The following RBPMS variants were observed in gnomAD, a reference collection of about 807,000 sequenced individuals.
RBPMS encodes the protein RNA-binding protein with multiple splicing.
RBPMS carries 7 observed loss-of-function variants against 26.8 expected under a neutral mutation model. That is an observed-to-expected ratio of 0.26 (90% confidence interval 0.15 to 0.49). The LOEUF (loss-of-function observed/expected upper bound fraction) is 0.49. Ranked by LOEUF, RBPMS falls within the 20% of genes least tolerant of loss-of-function variation. The pLI, the probability that RBPMS is intolerant of heterozygous loss-of-function variation, is 0.98. For synonymous variants in RBPMS, 96 were observed against 93.3 expected, an observed-to-expected ratio of 1.03 and a Z score of -0.17; for missense variants, 186 against 250.0, an observed-to-expected ratio of 0.74 and a Z score of 1.73.
chr8:30,393,788 G>A (rs1331348757), intron 1 of RBPMS, among the ~76,000 whole-genome samples: 9 of 151,712 alleles, frequency 5.9e-5, no homozygotes, highest in African/African-American at 2.2e-4. Context: ...CAAAGTGCTG[G>A]GATTACAGGC....
intron 6 of RBPMS, chr8:30,553,530 C>G (rs1015084204): frequency 3.3e-5 from 5 of 152,116 alleles, no homozygotes; most frequent in Admixed American, 2.0e-4. Flanking sequence ...GTGATGCCAC[C>G]CAAAAGTGGA....
chr8:30,546,206 G>GGGC (rs1432962554), intron 6 of RBPMS, among the ~76,000 whole-genome samples: 1 of 152,080 alleles, frequency 6.6e-6, no homozygotes, highest in Non-Finnish European at 1.5e-5. Flanking sequence ...TAGACTGCCG[G>GGGC]GTACAGATCA....
intron 1 of RBPMS, among the ~76,000 whole-genome samples, chr8:30,411,681 A>AAGAG (rs1554507358): frequency 7.8e-6 from 1 of 127,956 alleles, no homozygotes; most frequent in Admixed American, 8.4e-5. Flanking sequence ...AAAAAAAAAA[A>AAGAG]AAAGAAAAAG....
chr8:30,567,758 G>T (rs540092990), intron 8 of RBPMS, among the ~76,000 whole-genome samples: 1 of 152,220 alleles, frequency 6.6e-6, no homozygotes, highest in African/African-American at 2.4e-5. Context: ...TTTGGGTCAC[G>T]GTCCTGGGGG....
At chr8:30,416,542 G>A (rs1810097264) in intron 1 of RBPMS, among the ~76,000 whole-genome samples, 1 of 152,122 alleles carries the variant, frequency 6.6e-6, no homozygotes, top group Non-Finnish European at 1.5e-5. Context: ...GAGTGCAGTG[G>A]TACGACCTTG....
chr8:30,504,186 TCCTGATAGAC>T, intron 4 of RBPMS, 90 bp from the exon 5 acceptor site: 1 of 1,281,692 alleles, frequency 7.8e-7, no homozygotes, highest in Non-Finnish European at 1.1e-6. Flanking sequence ...TGACCTTTTT[TCCTGATAGAC>T]CAGGGTTTAC....
chr8:30,548,655 A>T (rs954562302), intron 6 of RBPMS, among the ~76,000 whole-genome samples: 3 of 152,178 alleles, frequency 2.0e-5, no homozygotes, highest in Non-Finnish European at 4.4e-5. Flanking sequence ...AACCCAAAAT[A>T]AATACAGAAG....
intron 4 of RBPMS, among the ~76,000 whole-genome samples, chr8:30,503,227 C>G (rs1173343311): frequency 1.3e-5 from 2 of 152,094 alleles, no homozygotes; most frequent in Non-Finnish European, 2.9e-5. Flanking sequence ...ATCCTGGTCT[C>G]TAGAGTAAGA....
At chr8:30,503,096 C>A (rs1392237231) in intron 4 of RBPMS, among the ~76,000 whole-genome samples, 1 of 152,108 alleles carries the variant, frequency 6.6e-6, no homozygotes, top group East Asian at 1.9e-4. Context: ...TTTGTTAGGC[C>A]TCCCTAAGGA....
chr8:30,426,680 CTT>C (rs796851926), intron 1 of RBPMS, among the ~76,000 whole-genome samples: 70 of 127,526 alleles, frequency 5.5e-4, no homozygotes, highest in East Asian at 4.5e-4. Flanking sequence ...CAGTGATTTT[CTT>C]TTTTTTTTTT....
chr8:30,513,311 C>T (rs1821925559), intron 5 of RBPMS, among the ~76,000 whole-genome samples: 1 of 152,048 alleles, frequency 6.6e-6, no homozygotes, highest in Non-Finnish European at 1.5e-5. Flanking sequence ...AACTCAGGTG[C>T]CAGGCACGGT....
intron 7 of RBPMS, among the ~76,000 whole-genome samples, chr8:30,561,434 G>A (rs1456756391): frequency 6.6e-6 from 1 of 152,204 alleles, no homozygotes; most frequent in Non-Finnish European, 1.5e-5. Context: ...AGTGTGTTGA[G>A]CTCTCCATTG....
chr8:30,479,815 A>C (rs1254346701), intron 4 of RBPMS, among the ~76,000 whole-genome samples: 1 of 150,606 alleles, frequency 6.6e-6, no homozygotes, highest in Non-Finnish European at 1.5e-5. Flanking sequence ...GCAGCATTAA[A>C]AAAAAAAAAC....
At chr8:30,495,100 C>T (rs1819788025) in intron 4 of RBPMS, among the ~76,000 whole-genome samples, 2 of 152,096 alleles carry the variant, frequency 1.3e-5, no homozygotes, top group Admixed American at 6.5e-5. Context: ...TTTTATAACA[C>T]TTAGCTTGTT....
intron 4 of RBPMS, among the ~76,000 whole-genome samples, chr8:30,499,743 G>A (rs1305094225): frequency 6.6e-6 from 1 of 152,212 alleles, no homozygotes; most frequent in East Asian, 1.9e-4. Flanking sequence ...ACTAAGTGCT[G>A]TGTGATTCTG....
At chr8:30,449,070 G>A (rs1025342647) in intron 1 of RBPMS, among the ~76,000 whole-genome samples, 1 of 152,188 alleles carries the variant, frequency 6.6e-6, no homozygotes, top group Admixed American at 6.5e-5. Context: ...ACTTCTGCAA[G>A]GGTAAACAGT....
intron 1 of RBPMS, among the ~76,000 whole-genome samples, chr8:30,393,554 G>C (rs1167975683): frequency 6.7e-6 from 1 of 150,218 alleles, no homozygotes; most frequent in Non-Finnish European, 1.5e-5. Flanking sequence ...ACGGAGTCTT[G>C]CGCTGTCACT....
At chr8:30,491,636 A>C (rs1016314984) in intron 4 of RBPMS, among the ~76,000 whole-genome samples, 2 of 151,810 alleles carry the variant, frequency 1.3e-5, no homozygotes, top group East Asian at 3.8e-4. Flanking sequence ...TCAATTGTAG[A>C]GTTTGTTTAT....
chr8:30,566,143 T>C, intron 7 of RBPMS, 114 bp from the exon 8 acceptor site: 2 of 385,916 alleles, frequency 5.2e-6, no homozygotes, highest in Non-Finnish European at 7.1e-6. Flanking sequence ...TTGATCTCTT[T>C]CGGCGTTGCC....
Sources: gnomAD v4.1 joint callset for allele counts (sites outside exome capture counted in the v4.1 genomes callset) on GRCh38, gnomAD v4.1.1 for gene constraint, MANE v1.5 for transcripts, NCBI Gene and HGNC (gene_info 2026-07-23, HGNC 2026-07-21) for gene names.